EPHA10: variants seen among roughly 807,000 people sequenced by gnomAD.
EPHA10 encodes ephrin type-A receptor 10.
A neutral mutation model predicts 109.7 loss-of-function variants in EPHA10; 120 were observed. That is an observed-to-expected ratio of 1.09 (90% CI 0.94 to 1.27). The LOEUF (loss-of-function observed/expected upper bound fraction) is 1.27. Among genes scored for constraint, EPHA10 ranks in the 50% most tolerant of loss-of-function variants. The pLI, the probability that EPHA10 is intolerant of heterozygous loss-of-function variation, is 0.00. For missense variants in EPHA10, 1,396 were observed against 1,411.1 expected, an observed-to-expected ratio of 0.99 and a Z score of 0.17; for synonymous variants, 640 against 618.9, an observed-to-expected ratio of 1.03 and a Z score of -0.51.
intron 3 of EPHA10, chr1:37,761,091 A>C: frequency 9.8e-7 from 1 of 1,015,658 alleles, no homozygotes; most frequent in Non-Finnish European, 1.2e-6. Flanking sequence ...CCTTATTTTA[A>C]AAAAAAAAAA....
chr1:37,720,052 G>C lies in EPHA10; in HGVS notation c.2419C>G (p.Arg807Gly). 6.2e-7 allele frequency: 1 copy of C among 1,613,534 alleles called. No homozygotes were observed. Among genetic ancestry groups the C allele is most frequent in the Non-Finnish European group, 8.5e-7 (1 of 1,179,998 alleles). ...GGAGCGGCCCATAGCGCTGGGCTCC[G>C]GCCACTCTGTAGGGGCAGGCAGGTC... The part of the protein sequence containing the change: ...SEAVYTTMSG[R>G]SPALWAAPET... Residue 807 changes from arginine (R) to glycine (G), a missense_variant, in exon 14 of 17, where the codon CGG becomes GGG. By Grantham distance (125) the Arg-to-Gly change is moderately radical (BLOSUM62 -2). Transcript: ENST00000373048.
At chr1:37,744,329 T>C (rs1646198565) in intron 5 of EPHA10, among the ~76,000 whole-genome samples, 1 of 149,014 alleles carries the variant, frequency 6.7e-6, no homozygotes, top group East Asian at 2.0e-4. Context: ...CTGGCCAACA[T>C]GGTAAAACTG....
intron 6 of EPHA10, among the ~76,000 whole-genome samples, chr1:37,732,075 T>C (rs548011088): frequency 3.9e-5 from 6 of 152,308 alleles, no homozygotes; most frequent in Admixed American, 3.9e-4. Flanking sequence ...GAAAGTATTA[T>C]CTTGTTTGTT....
intron 3 of EPHA10, chr1:37,761,126 T>G: frequency 4.1e-6 from 5 of 1,222,252 alleles, no homozygotes; most frequent in East Asian, 3.3e-5. Flanking sequence ...TTTATTGCCA[T>G]GAAAATAAAT....
At chr1:37,732,860 G>GTT (rs1557541356) in intron 6 of EPHA10, among the ~76,000 whole-genome samples, 2 of 25,790 alleles carry the variant, frequency 7.8e-5, no homozygotes, top group African/African-American at 3.0e-4. Flanking sequence ...TTTTATACTT[G>GTT]TTCTTTTTTT....
Position 37,752,941 on chromosome 1 carries a change from A to G in EPHA10, c.1292T>C (p.Val431Ala), listed in dbSNP as rs1166197479. The change falls in exon 5 of 17, where the codon GTC (valine) becomes GCC (alanine). Residue 431 changes from valine (V) to alanine (A), a missense_variant. Physicochemically the swap from Val to Ala is moderately conservative, Grantham distance 64. Transcript: ENST00000373048. Reference sequence around the variant, plus strand: ...TCCCGCGGCGGCCGCCGGGCCCGAGACGCCGTTGAGCGCGGCCACGCGCAC... The same window carrying G: ...TCCCGCGGCGGCCGCCGGGCCCGAGGCGCCGTTGAGCGCGGCCACGCGCAC... The part of the protein sequence containing the change: ...YTVRVAALNG[V>A]SGPAAAAGTT... 11 of 1,305,260 alleles carry G rather than the reference A, an allele frequency of 8.4e-6. No homozygotes were observed. Among genetic ancestry groups the G allele is most frequent in the African/African-American group, 3.1e-5 (2 of 64,336 alleles). The allele number at this position is 1,305,260 out of a possible 1,614,324, so 80.9% of individuals were successfully genotyped here.
In EPHA10 at chr1:37,764,717, G is replaced by C. The variant is rs1172141965; in HGVS notation, c.106+244C>G. The stretch of plus-strand genomic sequence containing the variant: ...CGCTGGACCGCCGCCTCTGGCTCCC[G>C]CGGTTCCTGGCCTCTTTCTTTCCCA... On this transcript the variant is annotated intron_variant, in intron 1 of 16. Coordinates refer to ENST00000373048, the MANE Select transcript of EPHA10 (RefSeq NM_001099439.2). This position sits in a 1 kb window ranked among gnomAD's most constrained non-coding sequence, Gnocchi z 5.8. Among the ~76,000 whole-genome samples the C allele has an allele frequency of 4.6e-5, 7 of 151,880 alleles. No homozygotes were observed. The highest frequency in any genetic ancestry group is 1.7e-4 in the African/African-American group (7 of 41,334).
At chr1:37,730,002 T>C (rs1201648093) in intron 7 of EPHA10, among the ~76,000 whole-genome samples, 1 of 151,496 alleles carries the variant, frequency 6.6e-6, no homozygotes, top group East Asian at 1.9e-4. Context: ...ATCTGAGAGG[T>C]ACCCAATGAA....
Position 37,753,162 on chromosome 1 carries a change from C to G in EPHA10, c.1071G>C (p.Leu357=). 7.1e-7 allele frequency: 1 copy of G among 1,408,324 alleles called. No homozygotes were observed. Among genetic ancestry groups the G allele is most frequent in the Non-Finnish European group, 9.2e-7 (1 of 1,081,774 alleles). The allele number at this position is 1,408,324 out of a possible 1,614,324, so 87.2% of individuals were successfully genotyped here. A position where few individuals can be genotyped will look rare whatever the true frequency, so the allele number is the denominator to read the frequency against. Reference sequence around the variant, plus strand: ...CCGAGTCGGCCGGCGGCAGCCAGCGCAGTCGCAGCACCAGCGGCGAGCGGC... The same window carrying G: ...CCGAGTCGGCCGGCGGCAGCCAGCGGAGTCGCAGCACCAGCGGCGAGCGGC... ...SLSRSPLVLR[L]RWLPPADSGG... The change falls in exon 5 of 17, where the codon CTG becomes CTC. Residue 357 remains leucine (L), a synonymous_variant. Transcript: ENST00000373048.
chr1:37,731,535 T>C lies in EPHA10; in HGVS notation c.1539A>G (p.Thr513=), dbSNP rs763506045. 15 of 1,613,928 alleles carry C rather than the reference T, an allele frequency of 9.3e-6. No homozygotes were observed. Among genetic ancestry groups the C allele is most frequent in the Non-Finnish European group, 1.3e-5 (15 of 1,179,964 alleles). ...TYSMVKTGAP[T]VTVTNLKPAT... Reference sequence around the variant, plus strand: ...CCGGCTTCAGGTTGGTGACGGTGACTGTGGGCGCCCCTGTCTTCACCATGG... The same window carrying C: ...CCGGCTTCAGGTTGGTGACGGTGACCGTGGGCGCCCCTGTCTTCACCATGG... The change falls in exon 7 of 17, where the codon ACA becomes ACG. Residue 513 remains threonine, a synonymous_variant. Coordinates refer to ENST00000373048, the MANE Select transcript of EPHA10 (RefSeq NM_001099439.2).
chr1:37,754,333 C>G lies in EPHA10; in HGVS notation c.888G>C (p.Arg296=), dbSNP rs752138309. 1 of 1,311,162 alleles carries G rather than the reference C, an allele frequency of 7.6e-7. No homozygotes were observed. The highest frequency in any genetic ancestry group is 9.8e-7 in the Non-Finnish European group (1 of 1,024,018). 81.2% of individuals were successfully genotyped at this position (1,311,162 alleles called of 1,614,324 possible). The change falls in exon 4 of 17, where the codon CGG becomes CGC. Residue 296 remains arginine, a synonymous_variant. Transcript: ENST00000373048. This position sits in a 1 kb window ranked among gnomAD's most constrained non-coding sequence, Gnocchi z 4.5. ...GCTCTGGGCACGGTGAGCAGAGGGGCCGCCGCGGGGACACCTTGTAAAACC... is the reference window on the plus strand; with the variant it reads ...GCTCTGGGCACGGTGAGCAGAGGGGGCGCCGCGGGGACACCTTGTAAAACC... The part of the protein sequence containing the change: ...PPGFYKVSPR[R]PLCSPCPEHS...
chr1:37,745,189 G>C (rs1048557087), intron 5 of EPHA10, among the ~76,000 whole-genome samples: 2 of 152,106 alleles, frequency 1.3e-5, no homozygotes, highest in African/African-American at 4.8e-5. Context: ...GAGCAACCCT[G>C]GGAAATGAAC....
At chr1:37,736,194 G>A (rs1246060356) in intron 5 of EPHA10, among the ~76,000 whole-genome samples, 1 of 151,784 alleles carries the variant, frequency 6.6e-6, no homozygotes, top group Non-Finnish European at 1.5e-5. Context: ...GGTTCATGAG[G>A]TCAAGAGATC....
At chr1:37,731,324 A>G in intron 7 of EPHA10, 87 bp downstream of exon 7, 1 of 1,388,014 alleles carries the variant, frequency 7.2e-7, no homozygotes, top group Non-Finnish European at 9.7e-7. Context: ...ACTCCAGATA[A>G]CTCTCCCCCT....
rs761241829 is a variant in EPHA10, at chr1:37,720,528, C to T, written c.2235G>A (p.Gly745=). 2.5e-6 allele frequency: 4 copies of T among 1,612,388 alleles called. No individual in the cohort carries two copies. The highest frequency in any genetic ancestry group is 3.4e-6 in the Non-Finnish European group (4 of 1,179,536). The change falls in exon 13 of 17, where the codon GGG becomes GGA. Residue 745 remains glycine (G), a synonymous_variant. Transcript: ENST00000373048. ...LRRHEGQLVA[G]QLMGLLPGLA... is the part of the protein sequence containing the mutation. ...GCCCAGGCAGCAACCCCATCAGTTG[C>T]CCAGCCACCAGCTGCCCCTCGTGCC...
intron 2 of EPHA10, 103 bp downstream of exon 2, chr1:37,762,682 T>C: frequency 9.5e-7 from 1 of 1,051,862 alleles, no homozygotes; most frequent in South Asian, 2.2e-5. Context: ...GACCACACAC[T>C]CTGAGGAGCA....
At chr1:37,749,573 T>TGAGGCAAGAGAGTCGCTTC (rs1553139592) in intron 5 of EPHA10, among the ~76,000 whole-genome samples, 6 of 151,644 alleles carry the variant, frequency 4.0e-5, no homozygotes, top group African/African-American at 1.5e-4. Flanking sequence ...CTCAGGAGGC[T>TGAGGCAAGAGAGTCGCTTC]GAGGCAGGAG....
intron 5 of EPHA10, among the ~76,000 whole-genome samples, chr1:37,748,381 A>C (rs1646272318): frequency 6.6e-6 from 1 of 152,106 alleles, no homozygotes; most frequent in African/African-American, 2.4e-5. Flanking sequence ...AAATAAATAA[A>C]ACTTTCTCTC....
At chr1:37,723,861 G>T (rs1645844067) in intron 8 of EPHA10, among the ~76,000 whole-genome samples, 2 of 152,236 alleles carry the variant, frequency 1.3e-5, no homozygotes, top group South Asian at 4.1e-4. Flanking sequence ...CTGATCCAAG[G>T]TCATTGTGGA....
Sources: allele counts gnomAD v4.1 joint callset (sites outside exome capture counted in the v4.1 genomes callset), GRCh38; gene constraint gnomAD v4.1.1; non-coding constraint Gnocchi (gnomAD v3.1); transcripts MANE v1.5; gene names NCBI Gene and HGNC (gene_info 2026-07-23, HGNC 2026-07-21).